Variants in FGF1 observed in about 807,000 individuals in gnomAD.
FGF1 encodes the protein beta-endothelial cell growth factor.
Under a neutral mutation model 13.4 loss-of-function variants are expected in FGF1, and 9 were observed. The ratio of observed to expected loss-of-function variants is 0.67; its 90% CI spans 0.40 to 1.17. The LOEUF (loss-of-function observed/expected upper bound fraction) is 1.17, where lower values mean the gene tolerates loss of function less well. Among genes scored for constraint, FGF1 ranks in the 50% most tolerant of loss-of-function variants. FGF1 has a pLI of 0.01. For missense variants in FGF1, 156 were observed against 192.7 expected (o/e 0.81, Z 1.13); for synonymous variants, 93 against 79.0 (o/e 1.18, Z -0.94).
chr5:142,661,737 C>T (rs147095686), intron 1 of FGF1, among the ~76,000 whole-genome samples: 305 of 152,274 alleles, frequency 2.0e-3, no homozygotes, highest in African/African-American at 6.2e-3. Flanking sequence ...TGGCCGGGCG[C>T]GGTGGCTCAC....
At chr5:142,671,448 A>T (rs1771444163) in intron 1 of FGF1, among the ~76,000 whole-genome samples, 1 of 152,206 alleles carries the variant, frequency 6.6e-6, no homozygotes, top group Non-Finnish European at 1.5e-5. Flanking sequence ...CAATCGTAAA[A>T]CACAGCTGCT....
At chr5:142,619,294 A>G (rs1760997885) in intron 1 of FGF1, among the ~76,000 whole-genome samples, 1 of 152,160 alleles carries the variant, frequency 6.6e-6, no homozygotes, top group Non-Finnish European at 1.5e-5. Flanking sequence ...ATGAAGGAGG[A>G]TATTTTGCAG....
intron 2 of FGF1, among the ~76,000 whole-genome samples, chr5:142,608,542 CTATATATATATATATATATATATATA>C (rs369107817): frequency 1.2e-4 from 9 of 76,030 alleles, no homozygotes; most frequent in East Asian, 7.9e-4. Context: ...ATATACACAT[CTATATATATATATATATATATATATA>C]TATATATATA....
chr5:142,663,259 A>AAG (rs1769629115), intron 1 of FGF1, among the ~76,000 whole-genome samples: 1 of 151,590 alleles, frequency 6.6e-6, no homozygotes, highest in Non-Finnish European at 1.5e-5. Context: ...GAAAAAAAAA[A>AAG]AAAAGAAAAA....
chr5:142,617,992 A>G (rs894839648), intron 1 of FGF1, among the ~76,000 whole-genome samples: 1 of 152,218 alleles, frequency 6.6e-6, no homozygotes, highest in Non-Finnish European at 1.5e-5. Context: ...ACTAAGTGAA[A>G]TCAGGCATTA....
intron 1 of FGF1, among the ~76,000 whole-genome samples, chr5:142,667,497 A>G (rs2152018499): frequency 6.6e-6 from 1 of 151,506 alleles, no homozygotes; most frequent in South Asian, 2.1e-4. Context: ...GAGGCAGGAG[A>G]AAGGTGTGAA....
At chr5:142,614,236 C>T (rs1759724132) in intron 1 of FGF1, 75 bp from the exon 2 acceptor site, 3 of 1,208,690 alleles carry the variant, frequency 2.5e-6, no homozygotes, top group Non-Finnish European at 3.5e-6. Flanking sequence ...AGAGGAAGGA[C>T]AGCTCCAGGG....
At chr5:142,604,712 C>A (rs1757271519) in intron 2 of FGF1, among the ~76,000 whole-genome samples, 1 of 152,178 alleles carries the variant, frequency 6.6e-6, no homozygotes, top group African/African-American at 2.4e-5. Context: ...TGGTGAAGAG[C>A]TGAAGTTTGG....
At chr5:142,637,170 G>T (rs968091736) in intron 1 of FGF1, among the ~76,000 whole-genome samples, 1 of 151,862 alleles carries the variant, frequency 6.6e-6, no homozygotes, top group Non-Finnish European at 1.5e-5. Flanking sequence ...TTTAGCCAGC[G>T]CACGGTACTG....
intron 2 of FGF1, among the ~76,000 whole-genome samples, chr5:142,608,062 T>G (rs1758071487): frequency 6.6e-6 from 1 of 152,200 alleles, no homozygotes. Context: ...ATCCTGCCAG[T>G]GCCAAGAGAA....
intron 1 of FGF1, among the ~76,000 whole-genome samples, chr5:142,663,965 G>T (rs1597380427): frequency 6.6e-6 from 1 of 152,220 alleles, no homozygotes; most frequent in Non-Finnish European, 1.5e-5. Context: ...TGGAGCTCGG[G>T]AAAAGAAAGA....
intron 1 of FGF1, among the ~76,000 whole-genome samples, chr5:142,665,886 G>A (rs1770215586): frequency 6.6e-6 from 1 of 152,106 alleles, no homozygotes; most frequent in African/African-American, 2.4e-5. Context: ...TCGATCCCCA[G>A]TCTTTCTCAT....
At chr5:142,647,882 G>A (rs1172740867) in intron 1 of FGF1, among the ~76,000 whole-genome samples, 3 of 152,230 alleles carry the variant, frequency 2.0e-5, no homozygotes, top group Admixed American at 1.3e-4. Context: ...TCAGGAGTTC[G>A]AGACTAGCCT....
chr5:142,695,769 G>A lies in FGF1; in HGVS notation c.-35+1853C>T, dbSNP rs191862161. On this transcript the variant is annotated intron_variant, in intron 2 of 4. Coordinates refer to the FGF1 transcript ENST00000407758. ...CTTGGGAATGAAACTTAATTTTCCC[G>A]CAAGAATGGAGAATTCAAGCTGTGA... Among the ~76,000 whole-genome samples, 311 of 151,870 alleles carry A rather than the reference G, an allele frequency of 2.0e-3. 2 individuals carry two copies. The highest frequency in any genetic ancestry group is 7.3e-3 in the South Asian group (35 of 4,772).
At chr5:142,634,787 G>C (rs1763970569) in intron 1 of FGF1, among the ~76,000 whole-genome samples, 1 of 152,206 alleles carries the variant, frequency 6.6e-6, no homozygotes, top group East Asian at 1.9e-4. Context: ...GTGGATAATG[G>C]TACTGTTTGA....
chr5:142,650,384 A>G (rs1767009850), intron 1 of FGF1, among the ~76,000 whole-genome samples: 1 of 152,234 alleles, frequency 6.6e-6, no homozygotes, highest in Admixed American at 6.5e-5. Context: ...GTGAATTCTG[A>G]TAACCTGGCC....
chr5:142,592,457 A>T lies in FGF1; in HGVS notation c.*2833T>A, dbSNP rs1220569534. ...TCTTTCTTATCATGCCTTCCAAGGA[A>T]ACCAATACCTACCTCCACCACCATC... On this transcript the variant is annotated 3_prime_UTR_variant, in exon 4 of 4. Coordinates refer to ENST00000337706, the MANE Select transcript of FGF1 (RefSeq NM_000800.5). 7.5e-6 allele frequency: 3 copies of T among 398,436 alleles called. No individual in the cohort carries two copies. The highest frequency in any genetic ancestry group is 8.8e-6 in the Non-Finnish European group (2 of 226,020). The allele number at this position is 398,436 out of a possible 1,614,324, so 24.7% of individuals were successfully genotyped here. A position where few individuals can be genotyped will look rare whatever the true frequency, so the allele number is the denominator to read the frequency against.
chr5:142,676,422 T>C (rs1772617969), intron 1 of FGF1, among the ~76,000 whole-genome samples: 1 of 152,210 alleles, frequency 6.6e-6, no homozygotes, highest in South Asian at 2.1e-4. Context: ...AGACTTTAGA[T>C]ATATTAACTC....
At chr5:142,616,348 A>G (rs761481486) in intron 1 of FGF1, among the ~76,000 whole-genome samples, 1 of 152,178 alleles carries the variant, frequency 6.6e-6, no homozygotes, top group African/African-American at 2.4e-5. Flanking sequence ...AAGAATCCCA[A>G]AGAGAATTTC....
Sources: allele counts gnomAD v4.1 joint callset (sites outside exome capture counted in the v4.1 genomes callset), GRCh38; gene constraint gnomAD v4.1.1; transcripts MANE v1.5; gene names NCBI Gene and HGNC (gene_info 2026-07-23, HGNC 2026-07-21).